Variants in SLCO3A1 observed in about 807,000 individuals in gnomAD.
SLCO3A1 encodes the protein solute carrier organic anion transporter family member 3A1, also known as PGE1 transporter.
Under a neutral mutation model 63.1 loss-of-function variants are expected in SLCO3A1, and 27 were observed. That is an observed-to-expected ratio of 0.43 (90% CI 0.32 to 0.59). The LOEUF is 0.59. Ranked by LOEUF, SLCO3A1 falls within the 20% of genes least tolerant of loss-of-function variation. The pLI is 0.09. For missense variants in SLCO3A1, 773 were observed against 945.8 expected, an observed-to-expected ratio of 0.82 and a Z score of 2.40; for synonymous variants, 473 against 409.9, an observed-to-expected ratio of 1.15 and a Z score of -1.86.
rs113002327 is a variant in SLCO3A1, at chr15:91,995,110, A to G, written c.646+78652A>G. ...TACAGAGTGGGTGGTTTTGAATCCC[A>G]ACCACTAATTTACGAAGTGGAGCGG... On this transcript the variant is annotated intron_variant, in intron 2 of 9. Coordinates refer to ENST00000318445, the MANE Select transcript of SLCO3A1 (RefSeq NM_013272.4). Among the ~76,000 whole-genome samples the G allele has an allele frequency of 2.9e-3, 443 of 152,334 alleles. 1 individual carries two copies. Among genetic ancestry groups the G allele is most frequent in the African/African-American group, 0.01 (425 of 41,572 alleles).
intron 2 of SLCO3A1, among the ~76,000 whole-genome samples, chr15:92,084,021 G>C (rs923578111): frequency 6.6e-6 from 1 of 152,132 alleles, no homozygotes; most frequent in African/African-American, 2.4e-5. Flanking sequence ...GCCTCTCTAC[G>C]CTTGGTTTAT....
At chr15:91,918,002 A>G (rs1358543037) in intron 2 of SLCO3A1, among the ~76,000 whole-genome samples, 1 of 152,134 alleles carries the variant, frequency 6.6e-6, no homozygotes, top group African/African-American at 2.4e-5. Context: ...TCAAGTAGAA[A>G]AATTTCTCCC....
chr15:91,990,775 GC>G (rs1245599830), intron 2 of SLCO3A1, among the ~76,000 whole-genome samples: 5 of 152,092 alleles, frequency 3.3e-5, no homozygotes, highest in Non-Finnish European at 2.9e-5. Flanking sequence ...TGCCTAGAAT[GC>G]CCCCTGCCAT....
At chr15:91,980,362 T>C (rs1216222482) in intron 2 of SLCO3A1, among the ~76,000 whole-genome samples, 1 of 151,806 alleles carries the variant, frequency 6.6e-6, no homozygotes, top group Non-Finnish European at 1.5e-5. Flanking sequence ...CTCACCATCT[T>C]GGACCCCAGT....
intron 9 of SLCO3A1, chr15:92,162,542 G>A (rs970245750): frequency 1.5e-6 from 1 of 665,136 alleles, no homozygotes; most frequent in African/African-American, 1.8e-5. Flanking sequence ...GGAAACTAAG[G>A]CAGGAGGGCT....
At chr15:91,917,112 G>A (rs1212666039) in intron 2 of SLCO3A1, among the ~76,000 whole-genome samples, 1 of 152,188 alleles carries the variant, frequency 6.6e-6, no homozygotes, top group African/African-American at 2.4e-5. Flanking sequence ...TGTTTATTAC[G>A]TGGCGGGCAG....
chr15:92,162,112 C>T (rs888698438), intron 9 of SLCO3A1: 5 of 146,506 alleles, frequency 3.4e-5, no homozygotes, highest in African/African-American at 1.3e-4. Context: ...TAAAGTGACA[C>T]AGTACACACT....
At chr15:91,914,343 G>T (rs1450829160) in intron 1 of SLCO3A1, among the ~76,000 whole-genome samples, 2 of 152,120 alleles carry the variant, frequency 1.3e-5, no homozygotes, top group Non-Finnish European at 2.9e-5. Flanking sequence ...CTGCTGATTA[G>T]ATATTATGAT....
intron 2 of SLCO3A1, among the ~76,000 whole-genome samples, chr15:91,998,708 A>C (rs1224282348): frequency 6.6e-6 from 1 of 152,264 alleles, no homozygotes; most frequent in East Asian, 1.9e-4. Flanking sequence ...AAATTAGTTC[A>C]GCCACTGTGG....
intron 7 of SLCO3A1, among the ~76,000 whole-genome samples, chr15:92,131,580 C>A (rs1192589216): frequency 6.9e-6 from 1 of 144,826 alleles, no homozygotes; most frequent in Non-Finnish European, 1.5e-5. Flanking sequence ...GACGGCCAGG[C>A]TGGTCTTGAA....
rs1223855326 is a variant in SLCO3A1 at position 92,021,032 on chromosome 15, C to T, written c.647-73849C>T. 5.9e-5 allele frequency among the ~76,000 whole-genome samples: 9 copies of T among 152,338 alleles called. No homozygotes were observed. In the East Asian group the frequency reaches 1.2e-3, roughly 20 times the overall value. On this transcript the variant is annotated intron_variant, in intron 2 of 9. Coordinates refer to ENST00000318445, the MANE Select transcript of SLCO3A1 (RefSeq NM_013272.4). ...GAGATGCTGATAATAATACCTACCT[C>T]TGAGGGTTGTAGTGAGGAGTAAGTA...
At position 91,950,701 on chromosome 15, in the gene SLCO3A1, C is replaced by G. The variant is rs550864836; in HGVS notation, c.646+34243C>G. On this transcript the variant is annotated intron_variant, in intron 2 of 9. Transcript: ENST00000318445. The surrounding 1 kb of genome is among the most constrained non-coding windows in gnomAD (Gnocchi z 4.4). ...CTTCATTTGGTTCTGTATTTCACAACCAGTCTGATTGCTCTTGTCCCAAGT... is the reference window on the plus strand; with the variant it reads ...CTTCATTTGGTTCTGTATTTCACAAGCAGTCTGATTGCTCTTGTCCCAAGT... Among the ~76,000 whole-genome samples, 5 of 152,328 alleles carry G rather than the reference C, an allele frequency of 3.3e-5. No individual in the cohort carries two copies. In the East Asian group the frequency reaches 9.6e-4, roughly 29 times the overall value.
At chr15:91,986,589 T>TAA (rs200008253) in intron 2 of SLCO3A1, among the ~76,000 whole-genome samples, 19 of 149,970 alleles carry the variant, frequency 1.3e-4, no homozygotes, top group Admixed American at 7.3e-4. Flanking sequence ...TTACATTCTT[T>TAA]TAAAAAAAAA....
intron 1 of SLCO3A1, among the ~76,000 whole-genome samples, chr15:91,878,587 T>C (rs1037653079): frequency 1.3e-5 from 2 of 152,202 alleles, no homozygotes; most frequent in Admixed American, 6.5e-5. Context: ...GTGTTAAGAA[T>C]GGCATCGTGA....
intron 2 of SLCO3A1, among the ~76,000 whole-genome samples, chr15:92,000,146 AT>A (rs1178311190): frequency 1.2e-4 from 19 of 152,180 alleles, no homozygotes; most frequent in Admixed American, 1.2e-3. Context: ...ACCTTAAATT[AT>A]CTTTGGACAT....
rs865819190 is a variant in SLCO3A1, at chr15:91,941,206, G to A, written c.646+24748G>A. Reference sequence around the variant, plus strand: ...TCCAGGGCAGGTGGAAAGTAGGCTTGTTTCACTGGCCTGGCCGGAAGGTTG... The same window carrying A: ...TCCAGGGCAGGTGGAAAGTAGGCTTATTTCACTGGCCTGGCCGGAAGGTTG... On this transcript the variant is annotated intron_variant, in intron 2 of 9. Coordinates refer to ENST00000318445, the MANE Select transcript of SLCO3A1 (RefSeq NM_013272.4). The surrounding 1 kb of genome is among the most constrained non-coding windows in gnomAD (Gnocchi z 4.4). 12 of 168,342 alleles carry A rather than the reference G, an allele frequency of 7.1e-5. No individual in the cohort carries two copies. The South Asian group carries it at 1.6e-3, about 22-fold the overall frequency. 10.4% of individuals were successfully genotyped at this position (168,342 alleles called of 1,614,324 possible).
Position 91,916,518 on chromosome 15 carries a change from G to A in SLCO3A1, c.646+60G>A. 7.8e-7 allele frequency: 1 copy of A among 1,288,292 alleles called. No homozygotes were observed. Among genetic ancestry groups the A allele is most frequent in the African/African-American group, 1.5e-5 (1 of 66,072 alleles). 79.8% of individuals were successfully genotyped at this position (1,288,292 alleles called of 1,614,324 possible). A position where few individuals can be genotyped will look rare whatever the true frequency, so the allele number is the denominator to read the frequency against. ...AGGGTGTGTTGACCATGGATAAAAG[G>A]TGGCCTGGTGGACTTTGATTTTGCC... On this transcript the variant is annotated intron_variant, in intron 2 of 9. Transcript: ENST00000318445. The surrounding 1 kb of genome is among the most constrained non-coding windows in gnomAD (Gnocchi z 6.2).
chr15:91,964,289 A>G (rs1443705840), intron 2 of SLCO3A1, among the ~76,000 whole-genome samples: 1 of 133,676 alleles, frequency 7.5e-6, no homozygotes, highest in Non-Finnish European at 1.6e-5. Flanking sequence ...CGGCCTTGTC[A>G]TCTGTAATTT....
At chr15:91,868,984 T>A (rs1375229247) in intron 1 of SLCO3A1, among the ~76,000 whole-genome samples, 3 of 152,228 alleles carry the variant, frequency 2.0e-5, no homozygotes, top group African/African-American at 7.2e-5. Flanking sequence ...AAAGTTTATA[T>A]AAAAATGTTT....
Sources: allele counts gnomAD v4.1 joint callset (sites outside exome capture counted in the v4.1 genomes callset), GRCh38; gene constraint gnomAD v4.1.1; non-coding constraint Gnocchi (gnomAD v3.1); transcripts MANE v1.5; gene names NCBI Gene and HGNC (gene_info 2026-07-23, HGNC 2026-07-21).